The following ZC3H12B variants were observed in gnomAD, a reference collection of about 807,000 sequenced individuals.
ZC3H12B encodes the protein probable ribonuclease ZC3H12B.
In ZC3H12B, 7 loss-of-function variants were observed where a neutral mutation model predicts 43.9. The observed-to-expected ratio is 0.16, with a 90% CI of 0.09 to 0.30. ZC3H12B has a LOEUF of 0.30. ZC3H12B is among the 10% of genes least tolerant of loss of function. ZC3H12B has a pLI of 1.00. For missense variants in ZC3H12B, 475 were observed against 670.2 expected (o/e 0.71, Z 3.22); for synonymous variants, 222 against 241.7 (o/e 0.92, Z 0.76).
chrX:65,167,406 C>G, the ZC3H12B span, among the ~76,000 whole-genome samples: 13 of 111,569 alleles, frequency 1.2e-4, no homozygotes, highest in Non-Finnish European at 2.4e-4. Context: ...GTCTATATCT[C>G]TGTTTTGGCA....
the ZC3H12B span, among the ~76,000 whole-genome samples, chrX:65,132,473 G>T: frequency 1.8e-5 from 2 of 109,991 alleles, no homozygotes; most frequent in Non-Finnish European, 3.8e-5. Flanking sequence ...GGAGGGAGTA[G>T]GGGTGTCCCA....
the ZC3H12B span, among the ~76,000 whole-genome samples, chrX:65,335,224 G>A: frequency 7.2e-5 from 8 of 111,671 alleles, no homozygotes; most frequent in African/African-American, 2.6e-4. Context: ...GGAAGACAGA[G>A]GATTTTTTCA....
chrX:65,386,088 G>A (rs185154560), intron 2 of ZC3H12B, among the ~76,000 whole-genome samples: 1 of 111,746 alleles, frequency 8.9e-6, no homozygotes, highest in Non-Finnish European at 1.9e-5. Flanking sequence ...TTCATCAGGG[G>A]TATTGGTCTA....
At chrX:65,297,053 G>GA in the ZC3H12B span, among the ~76,000 whole-genome samples, 1 of 111,339 alleles carries the variant, frequency 9.0e-6, no homozygotes, top group Admixed American at 9.6e-5. Flanking sequence ...TACAGCATGG[G>GA]AAAAAGTTGA....
intron 2 of ZC3H12B, among the ~76,000 whole-genome samples, chrX:65,372,618 G>A (rs948354170): frequency 9.3e-6 from 1 of 107,777 alleles, no homozygotes; most frequent in Non-Finnish European, 1.9e-5. Flanking sequence ...AGGAGAGAGG[G>A]AGAGAGGAAG....
chrX:65,495,978 AT>A (rs2068273831), intron 1 of ZC3H12B, among the ~76,000 whole-genome samples: 2 of 111,765 alleles, frequency 1.8e-5, no homozygotes, highest in Admixed American at 1.9e-4. Context: ...ACCTGCTGGG[AT>A]TACAGGCCTG....
At chrX:65,407,227 G>T (rs1055462020) in intron 3 of ZC3H12B, among the ~76,000 whole-genome samples, 14 of 112,922 alleles carry the variant, frequency 1.2e-4, no homozygotes, top group African/African-American at 3.8e-4. Context: ...CGGCCGTGCA[G>T]GGCGAGTGCG....
chrX:65,456,134 C>T (rs1373373728), intron 3 of ZC3H12B, among the ~76,000 whole-genome samples: 1 of 111,133 alleles, frequency 9.0e-6, no homozygotes, highest in Admixed American at 9.6e-5. Flanking sequence ...ACAATATTAA[C>T]CTTAAATGTA....
rs193269702 is a variant in ZC3H12B at position 65,399,238 on chromosome X, A to G, written n.407+534A>G. On this transcript the variant is annotated intron_variant and non_coding_transcript_variant, in intron 3 of 5. Transcript: ENST00000617377. The stretch of plus-strand genomic sequence containing the variant: ...AGAAAACAATCAACAAAATGCACAG[A>G]CAACCTACAGAATTAGAGAAAATAT... Among the ~76,000 whole-genome samples the G allele has an allele frequency of 2.7e-5, 3 of 112,688 alleles. No individual in the cohort carries two copies. In the East Asian group the frequency reaches 8.3e-4, roughly 31 times the overall value.
At chrX:65,455,588 C>A (rs1484629331) in intron 3 of ZC3H12B, among the ~76,000 whole-genome samples, 1 of 111,804 alleles carries the variant, frequency 8.9e-6, no homozygotes, top group African/African-American at 3.3e-5. Flanking sequence ...CCCAATCTAG[C>A]AAGGCAGGCC....
the ZC3H12B span, among the ~76,000 whole-genome samples, chrX:65,300,059 A>T: frequency 8.9e-6 from 1 of 112,481 alleles, no homozygotes; most frequent in African/African-American, 3.2e-5. Context: ...GTGTTTGGGT[A>T]GGGCTGCCAA....
At chrX:65,458,887 C>A (rs1367096269) in intron 3 of ZC3H12B, among the ~76,000 whole-genome samples, 4 of 111,031 alleles carry the variant, frequency 3.6e-5, no homozygotes, top group Admixed American at 9.6e-5. Context: ...AATAGAGACA[C>A]AAAAAACCCT....
chrX:65,295,745 T>C, the ZC3H12B span, among the ~76,000 whole-genome samples: 2 of 110,918 alleles, frequency 1.8e-5, no homozygotes, highest in Non-Finnish European at 3.8e-5. Flanking sequence ...ACCACAGAAA[T>C]ACAAAAGATT....
the ZC3H12B span, among the ~76,000 whole-genome samples, chrX:65,237,064 T>C: frequency 2.7e-5 from 3 of 112,194 alleles, no homozygotes; most frequent in Admixed American, 2.8e-4. Context: ...TTTGAAGTAG[T>C]TTCTTCTAAT....
intron 2 of ZC3H12B, among the ~76,000 whole-genome samples, chrX:65,385,504 T>C (rs773080208): frequency 8.9e-6 from 1 of 112,311 alleles, no homozygotes; most frequent in African/African-American, 3.2e-5. Context: ...GATTTTGTAT[T>C]ATGAGAGTTT....
chrX:65,204,645 T>G, the ZC3H12B span, among the ~76,000 whole-genome samples: 14 of 111,873 alleles, frequency 1.3e-4, no homozygotes, highest in African/African-American at 3.9e-4. Context: ...CAACATGTAA[T>G]TAAGATTTAT....
chrX:65,500,318 T>C (rs2068347021), intron 4 of ZC3H12B, among the ~76,000 whole-genome samples: 1 of 112,546 alleles, frequency 8.9e-6, no homozygotes, highest in South Asian at 3.6e-4. Context: ...GAAAGGGCAA[T>C]ACCAAACTGA....
chrX:65,093,619 G>T, the ZC3H12B span, among the ~76,000 whole-genome samples: 1 of 112,243 alleles, frequency 8.9e-6, no homozygotes, highest in African/African-American at 3.2e-5. Flanking sequence ...GCCCTGCTGG[G>T]TTTTGGACTT....
At position 65,461,614 on chromosome X, in the gene ZC3H12B, A is replaced by G. The variant is rs780773432; in HGVS notation, n.408-27032A>G. 6.3e-5 allele frequency among the ~76,000 whole-genome samples: 7 copies of G among 111,914 alleles called. 1 individual carries two copies. Among genetic ancestry groups the G allele is most frequent in the Admixed American group, 5.7e-4 (6 of 10,491 alleles). ...ATCTATCACAAGGACAAAAAACCAA[A>G]CACCAAATGTTCTCACTCATATGTG... On this transcript the variant is annotated intron_variant and non_coding_transcript_variant, in intron 3 of 5. Coordinates refer to the ZC3H12B transcript ENST00000617377.
Sources: gnomAD v4.1 joint callset for allele counts (sites outside exome capture counted in the v4.1 genomes callset) on GRCh38, gnomAD v4.1.1 for gene constraint, MANE v1.5 for transcripts, NCBI Gene and HGNC (gene_info 2026-07-23, HGNC 2026-07-21) for gene names.